The following RHOD variants were observed in gnomAD, a reference collection of about 807,000 sequenced individuals.
RHOD encodes ras homolog family member D, also known as rho-related GTP-binding protein RhoD.
Under a neutral mutation model 16.7 loss-of-function variants are expected in RHOD, and 11 were observed. The observed-to-expected ratio is 0.66, with a 90% CI of 0.41 to 1.09. The LOEUF (loss-of-function observed/expected upper bound fraction) is 1.09, where lower values mean the gene tolerates loss of function less well. Ranked by LOEUF, RHOD falls within the 50% of genes least tolerant of loss-of-function variation. The probability of loss-of-function intolerance (pLI) is 0.00; values close to 1 mark genes in which losing one functional copy is unlikely to be tolerated. For synonymous variants in RHOD, 124 were observed against 126.3 expected, an observed-to-expected ratio of 0.98 and a Z score of 0.12; for missense variants, 271 against 291.7, an observed-to-expected ratio of 0.93 and a Z score of 0.52.
chr11:67,057,558 A>G (rs903864829), intron 1 of RHOD, among the ~76,000 whole-genome samples: 2 of 152,204 alleles, frequency 1.3e-5, no homozygotes, highest in Non-Finnish European at 2.9e-5. Context: ...GAGTTGGCAC[A>G]TGTCGCTCCT....
At chr11:67,069,229 G>A (rs1192148454) in intron 3 of RHOD, among the ~76,000 whole-genome samples, 7 of 152,174 alleles carry the variant, frequency 4.6e-5, no homozygotes, top group African/African-American at 9.6e-5. Context: ...CGGGATCCCC[G>A]GCTCCCCAGC....
intron 2 of RHOD, 104 bp from the exon 3 acceptor site, chr11:67,066,634 T>C: frequency 1.2e-6 from 1 of 813,506 alleles, no homozygotes; most frequent in Non-Finnish European, 2.1e-6. Flanking sequence ...AACTAGGCCC[T>C]GTCCCCAGAA....
Position 67,070,496 on chromosome 11 carries a change from CA to C in RHOD, c.404del (p.Lys135ArgfsTer6), listed in dbSNP as rs1355727856. On this transcript the variant is annotated frameshift_variant, in exon 4 of 5. Transcript: ENST00000308831. LOFTEE classifies it high-confidence loss of function. ...IVVGCKTDLR[K>X]DKSLVNKLRR... is the part of the protein sequence containing the mutation. ...TCGTGGGCTGCAAGACTGACCTGCGCAAGGACAAATCACTGGTGAACAAGCT... is the reference window on the plus strand; with the variant it reads ...TCGTGGGCTGCAAGACTGACCTGCGCAGGACAAATCACTGGTGAACAAGCT... 6.2e-7 allele frequency: 1 copy of C among 1,614,098 alleles called. No individual in the cohort carries two copies. The highest frequency in any genetic ancestry group is 8.5e-7 in the Non-Finnish European group (1 of 1,180,012).
chr11:67,061,339 G>A (rs948443585), intron 1 of RHOD, among the ~76,000 whole-genome samples: 1 of 151,958 alleles, frequency 6.6e-6, no homozygotes, highest in Non-Finnish European at 1.5e-5. Flanking sequence ...TCTATTAAAA[G>A]TACAAAAATT....
At chr11:67,071,317 C>G in intron 4 of RHOD, 118 bp from the exon 5 acceptor site, 1 of 909,818 alleles carries the variant, frequency 1.1e-6, no homozygotes, top group Non-Finnish European at 1.5e-6. Context: ...AGCAGGGATA[C>G]GGGAGCCATG....
At chr11:67,070,592 A>G in intron 4 of RHOD, 33 bp downstream of exon 4, 6 of 1,612,394 alleles carry the variant, frequency 3.7e-6, no homozygotes, top group Non-Finnish European at 5.1e-6. Context: ...GGAGTTGGGG[A>G]GGACTGAGTG....
chr11:67,065,032 G>T (rs1278885471), intron 1 of RHOD, among the ~76,000 whole-genome samples: 1 of 151,906 alleles, frequency 6.6e-6, no homozygotes, highest in Non-Finnish European at 1.5e-5. Flanking sequence ...TAAGGGCTCC[G>T]CATGGAATAT....
rs930671560 is a variant in RHOD, at chr11:67,063,448, G to A, written c.133-2448G>A. 5.3e-5 allele frequency among the ~76,000 whole-genome samples: 8 copies of A among 149,652 alleles called. No homozygotes were observed. In the South Asian group the frequency reaches 6.4e-4, roughly 12 times the overall value. ...ACAGAGGTTGCAGTGAGTCAAGATC[G>A]CACCACTGCACTCAGGCCTGGGTGA... On this transcript the variant is annotated intron_variant, in intron 1 of 4. Coordinates refer to ENST00000308831, the MANE Select transcript of RHOD (RefSeq NM_014578.4).
chr11:67,068,304 G>T (rs796664447), intron 3 of RHOD, among the ~76,000 whole-genome samples: 11 of 152,322 alleles, frequency 7.2e-5, no homozygotes, highest in African/African-American at 2.6e-4. Context: ...GTGCAGTAAA[G>T]CCTGGGGGAG....
At chr11:67,058,830 T>C (rs1003630328) in intron 1 of RHOD, among the ~76,000 whole-genome samples, 1 of 152,194 alleles carries the variant, frequency 6.6e-6, no homozygotes, top group Non-Finnish European at 1.5e-5. Flanking sequence ...GGAGCTGGTG[T>C]CACCTCCTTT....
chr11:67,064,323 G>A (rs1008443370), intron 1 of RHOD, among the ~76,000 whole-genome samples: 19 of 144,022 alleles, frequency 1.3e-4, no homozygotes, highest in African/African-American at 4.7e-4. Context: ...GGAGAATGGC[G>A]TGAACCTGGG....
At chr11:67,057,648 C>T (rs528204651) in intron 1 of RHOD, among the ~76,000 whole-genome samples, 5 of 152,358 alleles carry the variant, frequency 3.3e-5, no homozygotes, top group African/African-American at 1.2e-4. Context: ...GGGAGCACGC[C>T]AGCTGTAGCC....
intron 1 of RHOD, among the ~76,000 whole-genome samples, chr11:67,061,790 G>GTA (rs1158047295): frequency 2.0e-4 from 28 of 138,492 alleles, no homozygotes; most frequent in South Asian, 6.8e-4. Flanking sequence ...GTGTGTGTGT[G>GTA]TATATATATA....
intron 3 of RHOD, among the ~76,000 whole-genome samples, chr11:67,069,697 T>G (rs539197090): frequency 1.7e-4 from 26 of 148,936 alleles, no homozygotes; most frequent in South Asian, 1.1e-3. Flanking sequence ...TTAATTGATT[T>G]ATTTATTTAT....
At chr11:67,061,975 TGACTCC>T (rs1451858470) in intron 1 of RHOD, among the ~76,000 whole-genome samples, 2 of 151,362 alleles carry the variant, frequency 1.3e-5, no homozygotes, top group Non-Finnish European at 2.9e-5. Flanking sequence ...CGCTCCAGCC[TGACTCC>T]GTCGAAAAAA....
At position 67,071,973 on chromosome 11, in the gene RHOD, C is replaced by G. The variant is rs974210659; in HGVS notation, c.*371C>G. The G allele has an allele frequency of 4.2e-6, 1 of 240,386 alleles. No homozygotes were observed. Among genetic ancestry groups the G allele is most frequent in the Non-Finnish European group, 8.0e-6 (1 of 125,786 alleles). The allele number at this position is 240,386 out of a possible 1,614,324, so 14.9% of individuals were successfully genotyped here. On this transcript the variant is annotated 3_prime_UTR_variant, in exon 5 of 5. Coordinates refer to ENST00000308831, the MANE Select transcript of RHOD (RefSeq NM_014578.4). ...CCAGAACCCACACCCGGCCCCTTCC[C>G]ACCTGTCATACTGGTAACTGTAACA...
intron 1 of RHOD, among the ~76,000 whole-genome samples, chr11:67,062,155 G>A (rs954894946): frequency 2.0e-5 from 3 of 152,152 alleles, no homozygotes; most frequent in African/African-American, 7.2e-5. Context: ...GTCACCACCT[G>A]GAAGGATGGA....
chr11:67,061,288 T>C (rs1485156433), intron 1 of RHOD, among the ~76,000 whole-genome samples: 1 of 151,848 alleles, frequency 6.6e-6, no homozygotes, highest in Non-Finnish European at 1.5e-5. Context: ...TCACTTGAGG[T>C]CAGGAGGAGT....
intron 1 of RHOD, among the ~76,000 whole-genome samples, chr11:67,060,792 A>G (rs1565350661): frequency 6.6e-6 from 1 of 152,246 alleles, no homozygotes; most frequent in Non-Finnish European, 1.5e-5. Context: ...TGGTGTCATT[A>G]CCATGGGCAT....
Sources: allele counts gnomAD v4.1 joint callset (sites outside exome capture counted in the v4.1 genomes callset), GRCh38; gene constraint gnomAD v4.1.1; transcripts MANE v1.5; gene names NCBI Gene and HGNC (gene_info 2026-07-23, HGNC 2026-07-21).